The following ANAPC7 variants were observed in gnomAD, a reference collection of about 807,000 sequenced individuals.
The protein encoded by ANAPC7 is anaphase promoting complex subunit 7, also known as anaphase-promoting complex subunit 7.
In ANAPC7, 25 loss-of-function variants were observed where a neutral mutation model predicts 63.3. The observed-to-expected ratio is 0.39, with a 90% confidence interval of 0.29 to 0.55. The LOEUF (loss-of-function observed/expected upper bound fraction) is 0.55. Ranked by LOEUF, ANAPC7 falls within the 20% of genes least tolerant of loss-of-function variation. The pLI, the probability that ANAPC7 is intolerant of heterozygous loss-of-function variation, is 0.57. For missense variants in ANAPC7, 516 were observed against 691.7 expected (o/e 0.75, Z 2.85); for synonymous variants, 241 against 251.7 (o/e 0.96, Z 0.40).
At chr12:110,397,744 A>G (rs766432476) in intron 1 of ANAPC7, among the ~76,000 whole-genome samples, 23 of 151,756 alleles carry the variant, frequency 1.5e-4, no homozygotes, top group Non-Finnish European at 3.1e-4. Flanking sequence ...AAAAATACAA[A>G]ATTAGACGGG....
intron 3 of ANAPC7, among the ~76,000 whole-genome samples, chr12:110,390,085 T>C (rs74973042): frequency 1.3e-5 from 2 of 152,078 alleles, no homozygotes; most frequent in African/African-American, 4.8e-5. Context: ...TTTTTTTTTT[T>C]GAGACGGAGT....
At chr12:110,377,136 CAAAAA>C (rs35149960) in intron 9 of ANAPC7, among the ~76,000 whole-genome samples, 3 of 46,434 alleles carry the variant, frequency 6.5e-5, no homozygotes, top group Non-Finnish European at 8.7e-5. Context: ...GATGCCGTCT[CAAAAA>C]AAAAAAAAAA....
intron 1 of ANAPC7, among the ~76,000 whole-genome samples, chr12:110,399,309 T>C (rs1332791293): frequency 2.7e-5 from 4 of 149,010 alleles, no homozygotes; most frequent in African/African-American, 9.8e-5. Flanking sequence ...CGTGAGCCAC[T>C]GCGCCCAGCC....
At chr12:110,394,887 A>C (rs1021810217) in intron 3 of ANAPC7, among the ~76,000 whole-genome samples, 1 of 151,966 alleles carries the variant, frequency 6.6e-6, no homozygotes, top group African/African-American at 2.4e-5. Context: ...AAAAAAGAAA[A>C]AACAAAGAAT....
chr12:110,397,654 T>C (rs2062163177), intron 1 of ANAPC7, among the ~76,000 whole-genome samples: 1 of 151,934 alleles, frequency 6.6e-6, no homozygotes, highest in South Asian at 2.1e-4. Context: ...TCCCAGCACT[T>C]TGGGACACCA....
At chr12:110,375,739 G>C (rs948214362) in intron 10 of ANAPC7, 4 of 989,126 alleles carry the variant, frequency 4.0e-6, no homozygotes, top group East Asian at 9.3e-5. Context: ...ATTTGAAAAA[G>C]AAGAATATAA....
At chr12:110,388,457 A>G in intron 4 of ANAPC7, 55 bp downstream of exon 4, 1 of 1,358,770 alleles carries the variant, frequency 7.4e-7, no homozygotes, top group Non-Finnish European at 1.0e-6. Context: ...CAAGATTGAG[A>G]ACTACTATCT....
chr12:110,377,386 CACTT>C lies in ANAPC7; in HGVS notation c.1357+3_1357+6del. The C allele has an allele frequency of 6.2e-7, 1 of 1,609,140 alleles. No individual in the cohort carries two copies. The highest frequency in any genetic ancestry group is 8.5e-7 in the Non-Finnish European group (1 of 1,176,012). On this transcript the variant is annotated splice_donor_5th_base_variant and intron_variant, in intron 9 of 10. Coordinates refer to ENST00000455511, the MANE Select transcript of ANAPC7 (RefSeq NM_016238.3). ...GATGAACAGGACAGAAAATAAGACACACTTACTAAGTAGTTCTGCTTTTTTCACC... is the reference window on the plus strand; with the variant it reads ...GATGAACAGGACAGAAAATAAGACACACTAAGTAGTTCTGCTTTTTTCACC...
At chr12:110,386,306 C>T (rs774315287) in intron 6 of ANAPC7, 21 bp downstream of exon 6, 11 of 1,613,514 alleles carry the variant, frequency 6.8e-6, no homozygotes, top group Non-Finnish European at 9.3e-6. Context: ...CCACTGTCTT[C>T]CTGCCCCAAG....
chr12:110,389,960 C>CA (rs1222529491), intron 3 of ANAPC7, among the ~76,000 whole-genome samples: 5 of 149,446 alleles, frequency 3.3e-5, no homozygotes, highest in Admixed American at 6.6e-5. Flanking sequence ...CCCACAAAAA[C>CA]AAAAAAAAAG....
chr12:110,380,957 G>GA (rs994128416), intron 8 of ANAPC7, among the ~76,000 whole-genome samples: 2 of 149,900 alleles, frequency 1.3e-5, no homozygotes, highest in African/African-American at 2.5e-5. Context: ...AGGAGTAAGA[G>GA]AAAAAAAATA....
At chr12:110,388,416 T>A (rs1035748435) in intron 4 of ANAPC7, 96 bp downstream of exon 4, 28 of 918,870 alleles carry the variant, frequency 3.0e-5, no homozygotes, top group Non-Finnish European at 3.8e-5. Flanking sequence ...GGGGAACTTT[T>A]AAAAAAAATA....
chr12:110,399,022 CTTT>C (rs764219174), intron 1 of ANAPC7, among the ~76,000 whole-genome samples: 10 of 136,210 alleles, frequency 7.3e-5, no homozygotes, highest in Admixed American at 1.5e-4. Context: ...CTGAATAATT[CTTT>C]TTTTTTTTTT....
intron 1 of ANAPC7, among the ~76,000 whole-genome samples, chr12:110,402,388 G>C (rs2062244045): frequency 6.6e-6 from 1 of 151,258 alleles, no homozygotes; most frequent in Non-Finnish European, 1.5e-5. Context: ...GGAGTGCAGT[G>C]GTGCTACTTC....
At chr12:110,384,069 G>A (rs917891810) in intron 6 of ANAPC7, among the ~76,000 whole-genome samples, 1 of 151,550 alleles carries the variant, frequency 6.6e-6, no homozygotes, top group Admixed American at 6.6e-5. Context: ...AGGCACAGTG[G>A]CAGGCGCCTG....
chr12:110,383,091 C>G, intron 6 of ANAPC7, 131 bp from the exon 7 acceptor site: 1 of 610,310 alleles, frequency 1.6e-6, no homozygotes, highest in Non-Finnish European at 2.9e-6. Context: ...CCCTTTCCAC[C>G]ATCACAGGCT....
intron 2 of ANAPC7, 30 bp downstream of exon 2, chr12:110,396,236 A>G (rs1883566905): frequency 6.3e-7 from 1 of 1,583,966 alleles, no homozygotes; most frequent in Admixed American, 2.0e-5. Context: ...AAAAAAAAAA[A>G]AAAAAAATCA....
chr12:110,384,151 G>A (rs555438634), intron 6 of ANAPC7, among the ~76,000 whole-genome samples: 4 of 151,984 alleles, frequency 2.6e-5, no homozygotes, highest in South Asian at 4.2e-4. Context: ...GCAGTGAGCC[G>A]AGATTGCACC....
rs760262629 is a variant in ANAPC7 at position 110,381,968 on chromosome 12, A to C, written c.936-20T>G. The C allele has an allele frequency of 1.1e-5, 17 of 1,513,224 alleles. No individual in the cohort carries two copies. Among genetic ancestry groups the C allele is most frequent in the African/African-American group, 4.2e-5 (3 of 70,732 alleles). The allele number at this position is 1,513,224 out of a possible 1,614,324, so 93.7% of individuals were successfully genotyped here. On this transcript the variant is annotated intron_variant, in intron 7 of 10. Coordinates refer to ENST00000455511, the MANE Select transcript of ANAPC7 (RefSeq NM_016238.3). ...TGACAGCTGGAGAAAAAAAAAAAAA[A>C]AAAAACACAAAAACCCCAGAAGTTA...
Sources: gnomAD v4.1 joint callset for allele counts (sites outside exome capture counted in the v4.1 genomes callset) on GRCh38, gnomAD v4.1.1 for gene constraint, MANE v1.5 for transcripts, NCBI Gene and HGNC (gene_info 2026-07-23, HGNC 2026-07-21) for gene names.